Variants in NOL4 observed in about 807,000 individuals in gnomAD.
NOL4 encodes the protein cancer/testis antigen 125.
A neutral mutation model predicts 75.9 loss-of-function variants in NOL4; 17 were observed. The observed-to-expected ratio is 0.22, with a 90% CI of 0.15 to 0.34. The LOEUF is 0.34. Among genes scored for constraint, NOL4 ranks in the 10% least tolerant of loss-of-function variants. The pLI is 1.00. For missense variants in NOL4, 614 were observed against 793.5 expected (o/e 0.77, Z 2.72); for synonymous variants, 292 against 289.9 (o/e 1.01, Z -0.07).
intron 8 of NOL4, among the ~76,000 whole-genome samples, chr18:33,945,270 T>C (rs1004429561): frequency 1.3e-5 from 2 of 151,776 alleles, no homozygotes; most frequent in African/African-American, 4.8e-5. Flanking sequence ...CTCTCTTTTT[T>C]TCAGCTATCA....
At chr18:33,888,536 GTTT>G in intron 9 of NOL4, among the ~76,000 whole-genome samples, 1 of 152,184 alleles carries the variant, frequency 6.6e-6, no homozygotes, top group Non-Finnish European at 1.5e-5. Context: ...TTCTTCTAGG[GTTT>G]TTACAGTGTT....
At chr18:33,958,088 G>T in intron 7 of NOL4, 151 bp downstream of exon 7, 1 of 710,820 alleles carries the variant, frequency 1.4e-6, no homozygotes, top group Non-Finnish European at 2.2e-6. Context: ...CAATTCTGGT[G>T]TCTGGTTGGC....
intron 1 of NOL4, among the ~76,000 whole-genome samples, chr18:34,182,333 T>C (rs1400279487): frequency 1.3e-5 from 2 of 151,588 alleles, no homozygotes; most frequent in Non-Finnish European, 3.0e-5. Flanking sequence ...TACATTTATA[T>C]AAAATGTTTA....
intron 5 of NOL4, among the ~76,000 whole-genome samples, chr18:34,078,372 A>G (rs1261245258): frequency 2.6e-5 from 4 of 152,188 alleles, no homozygotes; most frequent in African/African-American, 9.7e-5. Flanking sequence ...CTTTATTAGT[A>G]AAGACAATTG....
intron 1 of NOL4, among the ~76,000 whole-genome samples, chr18:34,177,308 A>G (rs762353506): frequency 9.9e-5 from 15 of 151,926 alleles, no homozygotes; most frequent in Non-Finnish European, 1.8e-4. Flanking sequence ...AATGGATTAC[A>G]AAGAGGCATT....
intron 1 of NOL4, among the ~76,000 whole-genome samples, chr18:34,200,739 AAGT>A (rs1478092620): frequency 1.8e-4 from 27 of 151,808 alleles, no homozygotes; most frequent in Non-Finnish European, 2.8e-4. Context: ...CAATATAAAA[AAGT>A]TGATCTGTTC....
chr18:33,921,471 G>A (rs2067031408), intron 9 of NOL4, among the ~76,000 whole-genome samples: 1 of 151,992 alleles, frequency 6.6e-6, no homozygotes, highest in African/African-American at 2.4e-5. Context: ...GATCTGAATT[G>A]AAAAAAGGGA....
At chr18:33,886,896 TTATATCTAGATATATC>T (rs1165748001) in intron 9 of NOL4, among the ~76,000 whole-genome samples, 2 of 133,402 alleles carry the variant, frequency 1.5e-5, no homozygotes, top group Non-Finnish European at 3.1e-5. Context: ...TCTAGATATA[TTATATCTAGATATATC>T]TATATACATA....
chr18:34,042,141 C>T (rs2076168522), intron 5 of NOL4, among the ~76,000 whole-genome samples: 1 of 151,910 alleles, frequency 6.6e-6, no homozygotes, highest in African/African-American at 2.4e-5. Flanking sequence ...ACCTCATTGA[C>T]TCTTTTAAGA....
chr18:34,189,296 G>A (rs958762375), intron 1 of NOL4, among the ~76,000 whole-genome samples: 10 of 152,166 alleles, frequency 6.6e-5, no homozygotes, highest in Non-Finnish European at 1.5e-5. Context: ...AGTCCAGCAA[G>A]AGTGATACTC....
intron 6 of NOL4, among the ~76,000 whole-genome samples, chr18:33,994,000 C>T (rs1168394819): frequency 6.6e-6 from 1 of 151,394 alleles, no homozygotes; most frequent in Non-Finnish European, 1.5e-5. Context: ...GGTTGAGTGG[C>T]TACATTAATA....
chr18:34,105,722 A>G (rs931695132), intron 2 of NOL4, among the ~76,000 whole-genome samples: 1 of 152,122 alleles, frequency 6.6e-6, no homozygotes, highest in Non-Finnish European at 1.5e-5. Context: ...ACACATCTGG[A>G]AATGCATTTA....
In NOL4 at chr18:33,852,689, A is replaced by T. The variant is rs1398965965; in HGVS notation, c.*153T>A. 1.5e-6 allele frequency: 1 copy of T among 677,578 alleles called. No homozygotes were observed. The highest frequency in any genetic ancestry group is 2.4e-6 in the Non-Finnish European group (1 of 409,678). The allele number at this position is 677,578 out of a possible 1,614,324, so 42.0% of individuals were successfully genotyped here. A position where few individuals can be genotyped will look rare whatever the true frequency, so the allele number is the denominator to read the frequency against. ...CAGAGTTCCTTTGAAGCACCTTAAC[A>T]CATCACTTACGGATCAAGGACAATG... On this transcript the variant is annotated 3_prime_UTR_variant, in exon 11 of 11. Coordinates refer to ENST00000261592, the MANE Select transcript of NOL4 (RefSeq NM_003787.5).
At chr18:33,890,081 A>G (rs2065007209) in intron 9 of NOL4, among the ~76,000 whole-genome samples, 1 of 152,118 alleles carries the variant, frequency 6.6e-6, no homozygotes, top group Non-Finnish European at 1.5e-5. Flanking sequence ...CAGTTAGGAA[A>G]ATAGGAAGTC....
At chr18:33,979,360 T>G (rs1298801501) in intron 6 of NOL4, among the ~76,000 whole-genome samples, 2 of 152,106 alleles carry the variant, frequency 1.3e-5, no homozygotes, top group African/African-American at 4.8e-5. Context: ...GATTTATTTA[T>G]GCTTAAGCAA....
chr18:34,092,437 A>C (rs1252216905), intron 5 of NOL4, among the ~76,000 whole-genome samples: 3 of 152,162 alleles, frequency 2.0e-5, no homozygotes, highest in South Asian at 2.1e-4. Context: ...ATCTGAAGTG[A>C]GAAAAAGAAA....
At chr18:33,866,594 C>T (rs2063439996) in intron 10 of NOL4, among the ~76,000 whole-genome samples, 1 of 152,030 alleles carries the variant, frequency 6.6e-6, no homozygotes, top group Non-Finnish European at 1.5e-5. Context: ...ACCTTTCTAC[C>T]CAAGCTTCAA....
chr18:34,214,382 A>G (rs1373250830), intron 1 of NOL4, among the ~76,000 whole-genome samples: 2 of 152,066 alleles, frequency 1.3e-5, no homozygotes, highest in East Asian at 3.8e-4. Context: ...ATACTGGGGG[A>G]ATCTTTTTTA....
chr18:33,975,666 T>TA, intron 6 of NOL4, among the ~76,000 whole-genome samples: 2 of 152,248 alleles, frequency 1.3e-5, no homozygotes, highest in South Asian at 4.1e-4. Context: ...TCCCAGCTAC[T>TA]CAGGAGGCTG....
Sources: allele counts gnomAD v4.1 joint callset (sites outside exome capture counted in the v4.1 genomes callset), GRCh38; gene constraint gnomAD v4.1.1; transcripts MANE v1.5; gene names NCBI Gene and HGNC (gene_info 2026-07-23, HGNC 2026-07-21).